Variants in SPCS1 observed in about 807,000 individuals in gnomAD.
SPCS1 encodes signal peptidase complex subunit 1, also known as SPase 12 kDa subunit.
SPCS1 carries 10 observed loss-of-function variants against 16.4 expected under a neutral mutation model. The observed-to-expected ratio is 0.61, with a 90% CI of 0.38 to 1.03. The LOEUF (loss-of-function observed/expected upper bound fraction) is 1.03. Among genes scored for constraint, SPCS1 ranks in the 50% least tolerant of loss-of-function variants. SPCS1 has a pLI of 0.01. For missense variants in SPCS1, 118 were observed against 123.8 expected, an observed-to-expected ratio of 0.95 and a Z score of 0.22; for synonymous variants, 47 against 42.5, an observed-to-expected ratio of 1.10 and a Z score of -0.41.
chr3:52,706,327 G>T, intron 1 of SPCS1, 45 bp downstream of exon 1: 1 of 1,571,588 alleles, frequency 6.4e-7, no homozygotes, highest in Non-Finnish European at 8.6e-7. Context: ...TCTTGTGCCT[G>T]GCAGCTTCGA....
At position 52,706,150 on chromosome 3, in the gene SPCS1, G is replaced by C; in HGVS notation, c.-97G>C. The C allele has an allele frequency of 6.5e-7, 1 of 1,542,648 alleles. No individual in the cohort carries two copies. The highest frequency in any genetic ancestry group is 8.7e-7 in the Non-Finnish European group (1 of 1,147,858). On this transcript the variant is annotated 5_prime_UTR_variant, in exon 1 of 4. Transcript: ENST00000619898. ...GCTTAGAAGGCCCGGCTACTGACGCGCAGTGCCAGACCTTACCCCTCACGG... is the reference window on the plus strand; with the variant it reads ...GCTTAGAAGGCCCGGCTACTGACGCCCAGTGCCAGACCTTACCCCTCACGG...
At position 52,706,943 on chromosome 3, in the gene SPCS1, C is replaced by T. The variant is rs2097345257; in HGVS notation, c.183+64C>T. 5 of 1,193,820 alleles carry T rather than the reference C, an allele frequency of 4.2e-6. No homozygotes were observed. The South Asian group carries it at 4.9e-5, about 12-fold the overall frequency. The allele number at this position is 1,193,820 out of a possible 1,614,324, so 74.0% of individuals were successfully genotyped here. ...GTGAGTCGGGTTGGTTTGGTTAGAC[C>T]TACTCAGTAGTGAGACCCAAAGCCA... On this transcript the variant is annotated intron_variant, in intron 3 of 3. Coordinates refer to ENST00000619898, the MANE Select transcript of SPCS1 (RefSeq NM_014041.5).
In SPCS1 at chr3:52,706,861, A is replaced by G; in HGVS notation, c.165A>G (p.Gly55=). The change falls in exon 3 of 4, where the codon GGA becomes GGG. Residue 55 remains glycine, a synonymous_variant. Transcript: ENST00000619898. The part of the protein sequence containing the change: ...FGWTVYIVMA[G]FAFSCLLTLP... Reference sequence around the variant, plus strand: ...GGACTGTCTATATAGTTATGGCCGGATTTGCTTTTTCATGTTTGGTAAGAA... The same window carrying G: ...GGACTGTCTATATAGTTATGGCCGGGTTTGCTTTTTCATGTTTGGTAAGAA... The G allele has an allele frequency of 6.2e-7, 1 of 1,613,682 alleles. No homozygotes were observed. Among genetic ancestry groups the G allele is most frequent in the Non-Finnish European group, 8.5e-7 (1 of 1,179,874 alleles).
intron 3 of SPCS1, chr3:52,707,395 A>G (rs569552552): frequency 3.2e-5 from 9 of 277,528 alleles, no homozygotes; most frequent in East Asian, 7.5e-5. Flanking sequence ...GTCTCAAGCA[A>G]TCCGCCCACC....
chr3:52,709,456 C>T lies in SPCS1; in HGVS notation c.*1644C>T, dbSNP rs954998524. ...GTGTGGTGGTTCATGCCTATAATCC[C>T]AGCACTTTCAGAGGCCGATGCAGGA... On this transcript the variant is annotated 3_prime_UTR_variant, in exon 4 of 4. Coordinates refer to ENST00000619898, the MANE Select transcript of SPCS1 (RefSeq NM_014041.5). The T allele has an allele frequency of 3.3e-5, 5 of 151,406 alleles. No individual in the cohort carries two copies. Among genetic ancestry groups the T allele is most frequent in the African/African-American group, 1.2e-4 (5 of 41,172 alleles). 9.4% of individuals were successfully genotyped at this position (151,406 alleles called of 1,614,324 possible).
chr3:52,706,579 T>G (rs2097344944), intron 1 of SPCS1, 65 bp from the exon 2 acceptor site: 1 of 1,470,598 alleles, frequency 6.8e-7, no homozygotes, highest in Admixed American at 1.7e-5. Context: ...AGTTGTGAGG[T>G]CAGGGCAGGA....
Position 52,707,781 on chromosome 3 carries a change from G to A in SPCS1, c.278G>A (p.Arg93Lys). 6.2e-7 allele frequency: 1 copy of A among 1,614,082 alleles called. No individual in the cohort carries two copies. Among genetic ancestry groups the A allele is most frequent in the South Asian group, 1.1e-5 (1 of 91,088 alleles). ...ACAGACGACAAGAAACCAGGGGAAA[G>A]AAAAATTAAGAGGCATGCTAAAAAT... The part of the protein sequence containing the change: ...SSTDDKKPGE[R>K]KIKRHAKNN Residue 93 changes from arginine (R) to lysine (K), a missense_variant, in exon 4 of 4, where the codon AGA becomes AAA. By Grantham distance (26) the Arg-to-Lys change is conservative (BLOSUM62 2). Coordinates refer to ENST00000619898, the MANE Select transcript of SPCS1 (RefSeq NM_014041.5).
At position 52,706,231 on chromosome 3, in the gene SPCS1, G is replaced by C; in HGVS notation, c.-16G>C. On this transcript the variant is annotated 5_prime_UTR_variant, in exon 1 of 4. Transcript: ENST00000619898. ...GCCTGCCACCCGCGCTCAGCTGCCCGCCTCCTCAGCCAGCCATGCTGGAGC... is the reference window on the plus strand; with the variant it reads ...GCCTGCCACCCGCGCTCAGCTGCCCCCCTCCTCAGCCAGCCATGCTGGAGC... The C allele has an allele frequency of 6.3e-7, 1 of 1,586,340 alleles. No individual in the cohort carries two copies. Among genetic ancestry groups the C allele is most frequent in the Non-Finnish European group, 8.5e-7 (1 of 1,174,068 alleles).
chr3:52,710,699 T>C lies in SPCS1; in HGVS notation c.*2887T>C, dbSNP rs1392775280. 6.6e-6 allele frequency: 1 copy of C among 151,974 alleles called. No individual in the cohort carries two copies. 9.4% of individuals were successfully genotyped at this position (151,974 alleles called of 1,614,324 possible). ...ACCACTTGAGCCCCAGAAGTGGAGGTTGCAGTGAGTTGAGATCATGCCACT... is the reference window on the plus strand; with the variant it reads ...ACCACTTGAGCCCCAGAAGTGGAGGCTGCAGTGAGTTGAGATCATGCCACT... On this transcript the variant is annotated 3_prime_UTR_variant, in exon 4 of 4. Coordinates refer to ENST00000619898, the MANE Select transcript of SPCS1 (RefSeq NM_014041.5).
rs991753412 is a variant in SPCS1, at chr3:52,706,134, G to A, written c.-113G>A. Reference sequence around the variant, plus strand: ...GCCATCGCTCTCCCGGGCTTAGAAGGCCCGGCTACTGACGCGCAGTGCCAG... The same window carrying A: ...GCCATCGCTCTCCCGGGCTTAGAAGACCCGGCTACTGACGCGCAGTGCCAG... On this transcript the variant is annotated 5_prime_UTR_variant, in exon 1 of 4. Coordinates refer to ENST00000619898, the MANE Select transcript of SPCS1 (RefSeq NM_014041.5). 2.6e-6 allele frequency: 4 copies of A among 1,540,724 alleles called. No homozygotes were observed. The highest frequency in any genetic ancestry group is 3.5e-6 in the Non-Finnish European group (4 of 1,147,012).
chr3:52,707,701 A>T lies in SPCS1; in HGVS notation c.198A>T (p.Pro66=), dbSNP rs754676127. The T allele has an allele frequency of 1.2e-6, 2 of 1,613,890 alleles. No homozygotes were observed. Among genetic ancestry groups the T allele is most frequent in the Admixed American group, 1.7e-5 (1 of 59,986 alleles). ...TTCTGGCCCAGCTGACACTTCCTCC[A>T]TGGCCCATCTATCGCCGGCATCCTC... ...FAFSCLLTLP[P]WPIYRRHPLK... The change falls in exon 4 of 4, where the codon CCA becomes CCT. Residue 66 remains proline (P), a synonymous_variant. Coordinates refer to ENST00000619898, the MANE Select transcript of SPCS1 (RefSeq NM_014041.5).
Position 52,707,820 on chromosome 3 carries a change from A to C in SPCS1, c.*8A>C. On this transcript the variant is annotated 3_prime_UTR_variant, in exon 4 of 4. Coordinates refer to ENST00000619898, the MANE Select transcript of SPCS1 (RefSeq NM_014041.5). ...CATGCTAAAAATAATTGAGGTTTTCATGATTCAGCACCTGCTTTTGTTTCT... is the reference window on the plus strand; with the variant it reads ...CATGCTAAAAATAATTGAGGTTTTCCTGATTCAGCACCTGCTTTTGTTTCT... 1.2e-6 allele frequency: 2 copies of C among 1,613,830 alleles called. No homozygotes were observed. The highest frequency in any genetic ancestry group is 1.1e-5 in the South Asian group (1 of 91,058).
At position 52,706,859 on chromosome 3, in the gene SPCS1, G is replaced by T; in HGVS notation, c.163G>T (p.Gly55Ter). 1 of 1,613,900 alleles carries T rather than the reference G, an allele frequency of 6.2e-7. No individual in the cohort carries two copies. The highest frequency in any genetic ancestry group is 8.5e-7 in the Non-Finnish European group (1 of 1,179,842). The change falls in exon 3 of 4, where the codon GGA becomes TGA. Residue 55 changes from glycine to a stop codon, truncating the protein, a stop_gained. Coordinates refer to ENST00000619898, the MANE Select transcript of SPCS1 (RefSeq NM_014041.5). LOFTEE classifies it high-confidence loss of function. ...GTGGACTGTCTATATAGTTATGGCC[G>T]GATTTGCTTTTTCATGTTTGGTAAG... Reference protein sequence around the residue: ...FGWTVYIVMAGFAFSCLLTLP... With the variant: ...FGWTVYIVMA
chr3:52,706,360 C>G, intron 1 of SPCS1, 78 bp downstream of exon 1: 1 of 1,456,020 alleles, frequency 6.9e-7, no homozygotes, highest in Non-Finnish European at 9.3e-7. Context: ...AGCACCGACC[C>G]GGTGCTGCGC....
Position 52,709,838 on chromosome 3 carries a change from G to A in SPCS1, c.*2026G>A, listed in dbSNP as rs34182518. 0.059 allele frequency: 9,019 copies of A among 152,158 alleles called. 364 individuals carry two copies. Among genetic ancestry groups the A allele is most frequent in the Non-Finnish European group, 0.085 (5,798 of 67,996 alleles). The allele number at this position is 152,158 out of a possible 1,614,324, so 9.4% of individuals were successfully genotyped here. ...CGATGTGGATTTCCAAAACATGCAC[G>A]GAAAGGTGAATAGCTCAAGGATACC... is the stretch of plus-strand genomic sequence containing the variant. On this transcript the variant is annotated 3_prime_UTR_variant, in exon 4 of 4. Transcript: ENST00000619898.
intron 1 of SPCS1, 77 bp downstream of exon 1, chr3:52,706,359 C>A (rs1219540854): frequency 7.6e-6 from 11 of 1,453,434 alleles, no homozygotes; most frequent in South Asian, 1.2e-5. Flanking sequence ...GAGCACCGAC[C>A]CGGTGCTGCG....
At position 52,706,166 on chromosome 3, in the gene SPCS1, C is replaced by G. The variant is rs6617; in HGVS notation, c.-81C>G. Reference sequence around the variant, plus strand: ...TACTGACGCGCAGTGCCAGACCTTACCCCTCACGGTCCTTAAGTCTCGGTC... The same window carrying G: ...TACTGACGCGCAGTGCCAGACCTTAGCCCTCACGGTCCTTAAGTCTCGGTC... On this transcript the variant is annotated 5_prime_UTR_variant, in exon 1 of 4. Coordinates refer to ENST00000619898, the MANE Select transcript of SPCS1 (RefSeq NM_014041.5). 646,785 of 1,544,598 alleles carry G rather than the reference C, an allele frequency of 0.42. 137,888 individuals carry two copies. The highest frequency in any genetic ancestry group is 0.54 in the Admixed American group (27,589 of 51,388).
chr3:52,707,519 C>G (rs2097345815), intron 3 of SPCS1, 168 bp from the exon 4 acceptor site: 3 of 645,430 alleles, frequency 4.6e-6, no homozygotes, highest in Non-Finnish European at 7.9e-6. Flanking sequence ...CATCATCATA[C>G]AGTATTTTGC....
Position 52,706,123 on chromosome 3 carries a change from G to A in SPCS1, c.-124G>A, listed in dbSNP as rs2097344400. ...CCGGGGCCGCCGCCATCGCTCTCCC[G>A]GGCTTAGAAGGCCCGGCTACTGACG... is the stretch of plus-strand genomic sequence containing the variant. On this transcript the variant is annotated 5_prime_UTR_variant, in exon 1 of 4. Coordinates refer to ENST00000619898, the MANE Select transcript of SPCS1 (RefSeq NM_014041.5). The A allele has an allele frequency of 1.9e-6, 3 of 1,539,832 alleles. No individual in the cohort carries two copies. Among genetic ancestry groups the A allele is most frequent in the Admixed American group, 2.0e-5 (1 of 51,022 alleles).
Sources: allele counts gnomAD v4.1 joint callset, GRCh38; gene constraint gnomAD v4.1.1; transcripts MANE v1.5; gene names NCBI Gene and HGNC (gene_info 2026-07-23, HGNC 2026-07-21).